Variants in PBX3 observed in about 807,000 individuals in gnomAD.
PBX3 encodes the protein pre-B-cell leukemia transcription factor 3.
Under a neutral mutation model 48.5 loss-of-function variants are expected in PBX3, and 14 were observed. The ratio of observed to expected loss-of-function variants is 0.29; its 90% CI spans 0.19 to 0.45. The LOEUF (loss-of-function observed/expected upper bound fraction) is 0.45, where lower values mean the gene tolerates loss of function less well. PBX3 is among the 20% of genes least tolerant of loss of function. PBX3 has a pLI of 1.00. For synonymous variants in PBX3, 210 were observed against 200.3 expected, an observed-to-expected ratio of 1.05 and a Z score of -0.41; for missense variants, 386 against 546.7, an observed-to-expected ratio of 0.71 and a Z score of 2.93.
rs145963375 is a variant in PBX3 at position 125,875,831 on chromosome 9, G to A, written c.275-39855G>A. On this transcript the variant is annotated intron_variant, in intron 2 of 8. Coordinates refer to ENST00000373489, the MANE Select transcript of PBX3 (RefSeq NM_006195.6). Reference sequence around the variant, plus strand: ...TTTGTTCATTCAACCACCATTTATTGTGTACTAACTATATGCCAGATGCTG... The same window carrying A: ...TTTGTTCATTCAACCACCATTTATTATGTACTAACTATATGCCAGATGCTG... Among the ~76,000 whole-genome samples, 437 of 152,112 alleles carry A rather than the reference G, an allele frequency of 2.9e-3. 2 individuals are homozygous for A. The highest frequency in any genetic ancestry group is 9.7e-3 in the African/African-American group (404 of 41,460).
chr9:125,866,093 G>T (rs904665551), intron 2 of PBX3, among the ~76,000 whole-genome samples: 1 of 151,210 alleles, frequency 6.6e-6, no homozygotes, highest in Non-Finnish European at 1.5e-5. Flanking sequence ...AAATCCCATT[G>T]CTCAGAGATT....
intron 2 of PBX3, among the ~76,000 whole-genome samples, chr9:125,907,846 C>G (rs909251182): frequency 6.6e-6 from 1 of 152,102 alleles, no homozygotes; most frequent in Non-Finnish European, 1.5e-5. Context: ...CATTTACTCA[C>G]CATGTGATCT....
chr9:125,797,050 A>G (rs1837804013), intron 2 of PBX3, among the ~76,000 whole-genome samples: 1 of 152,128 alleles, frequency 6.6e-6, no homozygotes, highest in Non-Finnish European at 1.5e-5. Flanking sequence ...TATGCTAATG[A>G]ACGTTTATTT....
At chr9:125,778,605 C>CTTTT (rs138965100) in intron 2 of PBX3, among the ~76,000 whole-genome samples, 2,968 of 132,780 alleles carry the variant, frequency 0.022, 112 homozygotes, top group African/African-American at 0.075. Context: ...TTGATCTTTT[C>CTTTT]TTTTTTTTTT....
chr9:125,834,395 TG>T (rs1392896513), intron 2 of PBX3, among the ~76,000 whole-genome samples: 2 of 151,972 alleles, frequency 1.3e-5, no homozygotes, highest in African/African-American at 2.4e-5. Flanking sequence ...TATTTTTACT[TG>T]TTTTTTTTAT....
intron 2 of PBX3, among the ~76,000 whole-genome samples, chr9:125,867,627 C>T (rs1462407477): frequency 9.1e-6 from 1 of 109,386 alleles, no homozygotes; most frequent in African/African-American, 3.7e-5. Context: ...GCAACAAGAG[C>T]AAGACTCCAT....
chr9:125,819,291 G>A (rs531093019), intron 2 of PBX3, among the ~76,000 whole-genome samples: 1 of 151,942 alleles, frequency 6.6e-6, no homozygotes, highest in Non-Finnish European at 1.5e-5. Context: ...CACTTTGGGA[G>A]GCCTAGGTGG....
At chr9:125,941,446 G>A (rs1330124946) in intron 5 of PBX3, among the ~76,000 whole-genome samples, 1 of 152,190 alleles carries the variant, frequency 6.6e-6, no homozygotes, top group Non-Finnish European at 1.5e-5. Flanking sequence ...ACTGACATTA[G>A]ACCCTGGGAG....
intron 2 of PBX3, among the ~76,000 whole-genome samples, chr9:125,810,234 C>T (rs551288798): frequency 2.0e-5 from 3 of 152,248 alleles, no homozygotes; most frequent in South Asian, 2.1e-4. Flanking sequence ...AAAGCAAGCA[C>T]TCTGTTCTAA....
chr9:125,811,278 C>T lies in PBX3; in HGVS notation c.274+62655C>T, dbSNP rs373887761. On this transcript the variant is annotated intron_variant, in intron 2 of 8. Coordinates refer to ENST00000373489, the MANE Select transcript of PBX3 (RefSeq NM_006195.6). ...TAGACTGGGTGGCTTAAATAATAAACGTTTGTTTCTCATAGTTCTGAAGGC... is the reference window on the plus strand; with the variant it reads ...TAGACTGGGTGGCTTAAATAATAAATGTTTGTTTCTCATAGTTCTGAAGGC... Among the ~76,000 whole-genome samples, 25 of 152,224 alleles carry T rather than the reference C, an allele frequency of 1.6e-4. 1 individual carries two copies. In the South Asian group the frequency reaches 3.1e-3, roughly 19 times the overall value.
intron 2 of PBX3, among the ~76,000 whole-genome samples, chr9:125,787,574 G>A (rs547062815): frequency 1.6e-4 from 24 of 152,310 alleles, no homozygotes; most frequent in African/African-American, 5.8e-4. Flanking sequence ...TATGCTTGGG[G>A]CTTGCTTGGC....
At chr9:125,819,075 A>T (rs1416005574) in intron 2 of PBX3, among the ~76,000 whole-genome samples, 2 of 151,454 alleles carry the variant, frequency 1.3e-5, no homozygotes, top group Admixed American at 6.6e-5. Flanking sequence ...GCTTCAAGTG[A>T]TCCACCCACC....
intron 2 of PBX3, among the ~76,000 whole-genome samples, chr9:125,822,934 A>G (rs1026484605): frequency 6.6e-6 from 1 of 151,772 alleles, no homozygotes. Flanking sequence ...ATCAATAGTT[A>G]TATAACTTGT....
intron 2 of PBX3, chr9:125,865,290 T>C (rs940190480): frequency 5.9e-6 from 1 of 169,248 alleles, no homozygotes; most frequent in Non-Finnish European, 1.5e-5. Flanking sequence ...GGAGAATAAG[T>C]CAGGAGCAAT....
intron 5 of PBX3, 100 bp downstream of exon 5, chr9:125,935,707 T>C: frequency 8.8e-7 from 1 of 1,135,426 alleles, no homozygotes; most frequent in Non-Finnish European, 1.2e-6. Flanking sequence ...AAATGTTCTA[T>C]CATCAAAAAA....
chr9:125,845,570 A>G (rs1036867187), intron 2 of PBX3, among the ~76,000 whole-genome samples: 1 of 152,102 alleles, frequency 6.6e-6, no homozygotes, highest in Non-Finnish European at 1.5e-5. Flanking sequence ...CTGCCCTACA[A>G]GGGTCAGCAT....
At chr9:125,855,427 A>T (rs572078840) in intron 2 of PBX3, among the ~76,000 whole-genome samples, 1 of 152,236 alleles carries the variant, frequency 6.6e-6, no homozygotes, top group South Asian at 2.1e-4. Context: ...ATATTCCTAT[A>T]AACTTCTTCT....
chr9:125,830,954 T>TC lies in PBX3; in HGVS notation c.274+82332dup, dbSNP rs1025409005. 5.9e-5 allele frequency among the ~76,000 whole-genome samples: 9 copies of TC among 152,288 alleles called. No homozygotes were observed. In the East Asian group the frequency reaches 9.6e-4, roughly 16 times the overall value. ...CAATGAACTCCTGTATAACCACCAGTCAGCTTTAACCACTAATATGTTATA... is the reference window on the plus strand; with the variant it reads ...CAATGAACTCCTGTATAACCACCAGTCCAGCTTTAACCACTAATATGTTATA... On this transcript the variant is annotated intron_variant, in intron 2 of 8. Transcript: ENST00000373489.
chr9:125,785,594 A>T (rs1215798742), intron 2 of PBX3, among the ~76,000 whole-genome samples: 1 of 152,194 alleles, frequency 6.6e-6, no homozygotes, highest in Non-Finnish European at 1.5e-5. Flanking sequence ...CTAAGCCACT[A>T]CTGGCTTCCT....
Sources: gnomAD v4.1 joint callset for allele counts (sites outside exome capture counted in the v4.1 genomes callset) on GRCh38, gnomAD v4.1.1 for gene constraint, MANE v1.5 for transcripts, NCBI Gene and HGNC (gene_info 2026-07-23, HGNC 2026-07-21) for gene names.